The following RIN3 variants were observed in gnomAD, a reference collection of about 807,000 sequenced individuals.
RIN3 encodes Ras and Rab interactor 3.
A neutral mutation model predicts 76.3 loss-of-function variants in RIN3; 54 were observed. The ratio of observed to expected loss-of-function variants is 0.71; its 90% CI spans 0.57 to 0.89. RIN3 has a LOEUF of 0.89. RIN3 is among the 40% of genes least tolerant of loss of function. The probability of loss-of-function intolerance (pLI) is 0.00; values close to 1 mark genes in which losing one functional copy is unlikely to be tolerated. For missense variants in RIN3, 1,256 were observed against 1,322.1 expected (o/e 0.95, Z 0.78); for synonymous variants, 576 against 564.0 (o/e 1.02, Z -0.30).
At chr14:92,593,698 A>T (rs1390451330) in intron 3 of RIN3, among the ~76,000 whole-genome samples, 1 of 152,192 alleles carries the variant, frequency 6.6e-6, no homozygotes, top group Non-Finnish European at 1.5e-5. Flanking sequence ...AATAATAATA[A>T]TAATAAAAAG....
chr14:92,539,944 G>A (rs1024515287), intron 1 of RIN3, among the ~76,000 whole-genome samples: 14 of 152,186 alleles, frequency 9.2e-5, no homozygotes, highest in Admixed American at 6.5e-5. Flanking sequence ...AAGGGCCTGC[G>A]GCTGAAGCTG....
intron 2 of RIN3, among the ~76,000 whole-genome samples, chr14:92,575,199 T>G (rs898800921): frequency 5.3e-5 from 8 of 152,144 alleles, no homozygotes; most frequent in Non-Finnish European, 1.2e-4. Flanking sequence ...TACAGCAATA[T>G]AGTAATATTA....
intron 4 of RIN3, among the ~76,000 whole-genome samples, chr14:92,635,983 AAGCCTGAACCCTCCATTCAG>A (rs1886761212): frequency 3.3e-5 from 5 of 152,224 alleles, no homozygotes; most frequent in African/African-American, 1.2e-4. Context: ...TAGGAGTTAC[AAGCCTGAACCCTCCATTCAG>A]ATGCAGGCAT....
intron 4 of RIN3, among the ~76,000 whole-genome samples, chr14:92,620,876 G>A (rs1408252101): frequency 6.6e-6 from 1 of 152,188 alleles, no homozygotes; most frequent in African/African-American, 2.4e-5. Flanking sequence ...TAGGCACATG[G>A]CCAATAAGTA....
chr14:92,556,688 C>T (rs1897593287), intron 2 of RIN3, among the ~76,000 whole-genome samples: 1 of 152,172 alleles, frequency 6.6e-6, no homozygotes, highest in Non-Finnish European at 1.5e-5. Context: ...TTTCACCTCC[C>T]ACACACATTT....
Position 92,652,219 on chromosome 14 carries a change from C to T in RIN3, c.1170C>T (p.Arg390=), listed in dbSNP as rs761858936. The change falls in exon 6 of 10, where the codon CGC becomes CGT. Residue 390 remains arginine (R), a synonymous_variant. Transcript: ENST00000216487. The surrounding 1 kb of genome is among the most constrained non-coding windows in gnomAD (Gnocchi z 6.4). The part of the protein sequence containing the change: ...KNLPTAPPRR[R]VSERVSLEDQ... ...TTCCCACTGCCCCTCCCAGACGCCG[C>T]GTTTCCGAGAGGGTGTCCTTAGAAG... 27 of 1,607,754 alleles carry T rather than the reference C, an allele frequency of 1.7e-5. No homozygotes were observed. The highest frequency in any genetic ancestry group is 1.1e-4 in the East Asian group (5 of 44,742).
rs117500663 is a variant in RIN3, at chr14:92,649,928, C to T, written c.533-1654C>T. Among the ~76,000 whole-genome samples the T allele has an allele frequency of 5.8e-4, 89 of 152,294 alleles. No homozygotes were observed. In the Middle Eastern group the frequency reaches 0.014, roughly 23 times the overall value. ...CAGCTGGTGGGTCGCAGTTCACTTC[C>T]GGTCTGTTTCTTCAGTCCCTTTGTC... On this transcript the variant is annotated intron_variant, in intron 5 of 9. Transcript: ENST00000216487.
intron 6 of RIN3, among the ~76,000 whole-genome samples, chr14:92,654,071 T>C (rs1361501741): frequency 6.6e-6 from 1 of 151,942 alleles, no homozygotes; most frequent in Non-Finnish European, 1.5e-5. Flanking sequence ...CTCAGCACTT[T>C]GGGAGGCTGA....
intron 7 of RIN3, among the ~76,000 whole-genome samples, chr14:92,670,303 A>G (rs910283177): frequency 6.6e-6 from 1 of 152,224 alleles, no homozygotes; most frequent in African/African-American, 2.4e-5. Flanking sequence ...CTTGGCAAAA[A>G]AGAAAGCAGA....
chr14:92,601,285 A>C (rs1168429215), intron 3 of RIN3, among the ~76,000 whole-genome samples: 1 of 152,188 alleles, frequency 6.6e-6, no homozygotes, highest in Non-Finnish European at 1.5e-5. Flanking sequence ...TCTTGGGTCT[A>C]GAGCCTCACC....
In RIN3 at chr14:92,661,752, C is replaced by CAA. The variant is rs1555392562; in HGVS notation, c.2335+2284_2335+2285insAA. On this transcript the variant is annotated intron_variant, in intron 7 of 9. Coordinates refer to ENST00000216487, the MANE Select transcript of RIN3 (RefSeq NM_024832.5). ...ACACACACACACACACACACACACA[C>CAA]ACACACAAAAAATAGAATTGTGCTC... Among the ~76,000 whole-genome samples the CAA allele has an allele frequency of 4.7e-3, 661 of 140,832 alleles. 4 individuals are homozygous for CAA. Among genetic ancestry groups the CAA allele is most frequent in the South Asian group, 0.033 (132 of 4,060 alleles). The allele number at this position is 140,832 out of a possible 152,430, so 92.4% of individuals were successfully genotyped here. A position where few individuals can be genotyped will look rare whatever the true frequency, so the allele number is the denominator to read the frequency against.
At chr14:92,543,999 A>G (rs981738317) in intron 1 of RIN3, among the ~76,000 whole-genome samples, 4 of 151,904 alleles carry the variant, frequency 2.6e-5, no homozygotes, top group Admixed American at 2.6e-4. Context: ...TCCTCCATGA[A>G]CTGTTCGTGA....
intron 4 of RIN3, among the ~76,000 whole-genome samples, chr14:92,621,984 C>T (rs1284704687): frequency 6.6e-6 from 1 of 152,190 alleles, no homozygotes; most frequent in Non-Finnish European, 1.5e-5. Flanking sequence ...CAGACCTCCC[C>T]AGACTCCAAA....
At chr14:92,659,578 A>G (rs768307355) in intron 7 of RIN3, 109 bp downstream of exon 7, 3 of 1,057,924 alleles carry the variant, frequency 2.8e-6, no homozygotes, top group Non-Finnish European at 4.0e-6. Context: ...GACTTTCCAG[A>G]TTCAGAGCCC....
chr14:92,631,801 A>G (rs1886594788), intron 4 of RIN3, among the ~76,000 whole-genome samples: 1 of 151,330 alleles, frequency 6.6e-6, no homozygotes. Flanking sequence ...TCAGGGTTTC[A>G]CCATGTTGGT....
intron 4 of RIN3, among the ~76,000 whole-genome samples, chr14:92,639,453 A>T (rs1886903271): frequency 6.6e-6 from 1 of 152,210 alleles, no homozygotes; most frequent in Non-Finnish European, 1.5e-5. Flanking sequence ...ACAGAGGAGG[A>T]AATGGCTTCA....
At chr14:92,577,289 C>A in intron 2 of RIN3, 71 bp from the exon 3 acceptor site, 1 of 1,026,506 alleles carries the variant, frequency 9.7e-7, no homozygotes, top group Admixed American at 1.8e-5. Flanking sequence ...TGACTTCCAT[C>A]TCGTGGTTGT....
chr14:92,664,721 G>A (rs565458254), intron 7 of RIN3, among the ~76,000 whole-genome samples: 3 of 152,180 alleles, frequency 2.0e-5, no homozygotes, highest in Admixed American at 6.5e-5. Context: ...TCTGAATAGC[G>A]TAAGGGTAAC....
intron 3 of RIN3, among the ~76,000 whole-genome samples, chr14:92,611,671 CGT>C (rs1280913533): frequency 2.0e-5 from 3 of 152,174 alleles, no homozygotes; most frequent in Non-Finnish European, 2.9e-5. Flanking sequence ...GTCATATTCA[CGT>C]GTGTTAGAGA....
Sources: gnomAD v4.1 joint callset for allele counts (sites outside exome capture counted in the v4.1 genomes callset) on GRCh38, gnomAD v4.1.1 for gene constraint, Gnocchi (gnomAD v3.1) non-coding constraint, MANE v1.5 for transcripts, NCBI Gene and HGNC (gene_info 2026-07-23, HGNC 2026-07-21) for gene names.